KCNB2: variants seen among roughly 807,000 people sequenced by gnomAD.
KCNB2 encodes potassium voltage-gated channel subfamily B member 2, also known as delayed rectifier potassium channel protein.
A neutral mutation model predicts 61.5 loss-of-function variants in KCNB2; 15 were observed. The observed-to-expected ratio is 0.24, with a 90% CI of 0.16 to 0.38. The LOEUF is 0.38. Ranked by LOEUF, KCNB2 falls within the 10% of genes least tolerant of loss-of-function variation. The pLI, the probability that KCNB2 is intolerant of heterozygous loss-of-function variation, is 1.00. For missense variants in KCNB2, 828 were observed against 1,125.2 expected (o/e 0.74, Z 3.78); for synonymous variants, 457 against 446.0 (o/e 1.02, Z -0.31).
At chr8:72,672,981 T>C (rs745598704) in intron 2 of KCNB2, among the ~76,000 whole-genome samples, 11 of 152,346 alleles carry the variant, frequency 7.2e-5, no homozygotes, top group Middle Eastern at 3.4e-3. Context: ...TGGAAAATTA[T>C]ATGATGGTTT....
Position 72,782,253 on chromosome 8 carries a change from G to A in KCNB2, c.580-153682G>A, listed in dbSNP as rs1585890506. Among the ~76,000 whole-genome samples, 4 of 152,068 alleles carry A rather than the reference G, an allele frequency of 2.6e-5. No homozygotes were observed. The East Asian group carries it at 7.7e-4, about 29-fold the overall frequency. On this transcript the variant is annotated intron_variant, in intron 2 of 2. Transcript: ENST00000523207. Reference sequence around the variant, plus strand: ...ATATAGTGTTACTAAGAATTCCAGGGAAGTCCACTTAATCATTTAGAGTTG... The same window carrying A: ...ATATAGTGTTACTAAGAATTCCAGGAAAGTCCACTTAATCATTTAGAGTTG...
chr8:72,598,380 G>T (rs1163443637), intron 2 of KCNB2, among the ~76,000 whole-genome samples: 2 of 152,032 alleles, frequency 1.3e-5, no homozygotes, highest in Non-Finnish European at 2.9e-5. Flanking sequence ...TGCAGAAAAG[G>T]CCTTTGAAAA....
intron 2 of KCNB2, among the ~76,000 whole-genome samples, chr8:72,932,022 C>CAAAA (rs1257498040): frequency 1.4e-5 from 2 of 146,976 alleles, no homozygotes; most frequent in East Asian, 5.9e-4. Context: ...CAAAAACAAA[C>CAAAA]AAACAAAAAA....
chr8:72,929,434 A>G (rs185578478), intron 2 of KCNB2, among the ~76,000 whole-genome samples: 143 of 152,356 alleles, frequency 9.4e-4, no homozygotes, highest in African/African-American at 3.4e-3. Context: ...AGGTGATTCA[A>G]GGGAGAAAAA....
At chr8:72,615,133 C>T (rs929337423) in intron 2 of KCNB2, among the ~76,000 whole-genome samples, 2 of 152,216 alleles carry the variant, frequency 1.3e-5, no homozygotes, top group South Asian at 2.1e-4. Context: ...CATGGAGCTC[C>T]GTAGACCTGA....
intron 2 of KCNB2, among the ~76,000 whole-genome samples, chr8:72,662,421 G>A (rs934395417): frequency 2.0e-5 from 3 of 152,116 alleles, no homozygotes; most frequent in Admixed American, 6.6e-5. Context: ...TCCACATCAC[G>A]AAATACCTAG....
chr8:72,596,428 G>A (rs1223377200), intron 2 of KCNB2, among the ~76,000 whole-genome samples: 9 of 152,120 alleles, frequency 5.9e-5, no homozygotes, highest in African/African-American at 2.2e-4. Context: ...CTGGCCTTTT[G>A]TCTCCACATA....
intron 2 of KCNB2, among the ~76,000 whole-genome samples, chr8:72,855,706 G>A (rs1043226311): frequency 6.6e-6 from 1 of 152,104 alleles, no homozygotes; most frequent in Non-Finnish European, 1.5e-5. Flanking sequence ...GACTAACTGA[G>A]CTGGTGGCAG....
intron 2 of KCNB2, among the ~76,000 whole-genome samples, chr8:72,929,592 A>G (rs1249857898): frequency 2.0e-5 from 3 of 152,184 alleles, no homozygotes; most frequent in African/African-American, 4.8e-5. Flanking sequence ...GACATCATCA[A>G]CTGTGACTTG....
intron 2 of KCNB2, among the ~76,000 whole-genome samples, chr8:72,836,923 A>T (rs1360375655): frequency 6.6e-6 from 1 of 152,138 alleles, no homozygotes; most frequent in African/African-American, 2.4e-5. Context: ...ATAACAAACA[A>T]ACAAACAAAA....
At chr8:72,804,682 A>G (rs1362601448) in intron 2 of KCNB2, among the ~76,000 whole-genome samples, 2 of 152,216 alleles carry the variant, frequency 1.3e-5, no homozygotes, top group Admixed American at 1.3e-4. Context: ...CACATAATTA[A>G]TAAAATGAAA....
chr8:72,791,593 A>G (rs1193859107), intron 2 of KCNB2, among the ~76,000 whole-genome samples: 1 of 152,148 alleles, frequency 6.6e-6, no homozygotes, highest in Non-Finnish European at 1.5e-5. Context: ...TCCAGGCTTC[A>G]CTTACTCCTT....
chr8:72,598,940 A>G (rs1401246975), intron 2 of KCNB2, among the ~76,000 whole-genome samples: 1 of 152,232 alleles, frequency 6.6e-6, no homozygotes, highest in Non-Finnish European at 1.5e-5. Flanking sequence ...ACTCAATGAA[A>G]TAAAAGAGGA....
Position 72,936,859 on chromosome 8 carries a change from A to G in KCNB2, c.1504A>G (p.Thr502Ala), listed in dbSNP as rs1268119522. 1 of 1,614,020 alleles carries G rather than the reference A, an allele frequency of 6.2e-7. No homozygotes were observed. The highest frequency in any genetic ancestry group is 8.5e-7 in the Non-Finnish European group (1 of 1,180,022). Residue 502 changes from threonine (T) to alanine (A), a missense_variant, in exon 3 of 3, where the codon ACA becomes GCA. Physicochemically the swap from Thr to Ala is moderately conservative, Grantham distance 58 (BLOSUM62 0). Coordinates refer to ENST00000523207, the MANE Select transcript of KCNB2 (RefSeq NM_004770.3). The surrounding 1 kb of genome is among the most constrained non-coding windows in gnomAD (Gnocchi z 5.6). ...WKWARKALSE[T>A]SSNKSFENKY... ...GTGGGCCAGGAAGGCTCTGTCGGAA[A>G]CAAGCTCCAACAAGTCTTTCGAGAA...
intron 2 of KCNB2, among the ~76,000 whole-genome samples, chr8:72,861,686 C>G (rs945871075): frequency 6.6e-6 from 1 of 152,206 alleles, no homozygotes; most frequent in Admixed American, 6.5e-5. Flanking sequence ...AGGAAATTCT[C>G]AATCGGCCTG....
intron 2 of KCNB2, among the ~76,000 whole-genome samples, chr8:72,927,587 C>A (rs1348988487): frequency 2.0e-5 from 3 of 152,128 alleles, no homozygotes; most frequent in African/African-American, 7.2e-5. Flanking sequence ...CTTTTCTGTG[C>A]CTCTGCCTGC....
chr8:72,842,093 T>C (rs183509748), intron 2 of KCNB2, among the ~76,000 whole-genome samples: 1 of 139,926 alleles, frequency 7.1e-6, no homozygotes, highest in African/African-American at 2.6e-5. Context: ...TATTTTGATA[T>C]ATGTTTCACC....
intron 2 of KCNB2, among the ~76,000 whole-genome samples, chr8:72,922,895 G>A (rs1189873439): frequency 6.6e-6 from 1 of 152,102 alleles, no homozygotes; most frequent in Non-Finnish European, 1.5e-5. Flanking sequence ...CTGATAATGG[G>A]TCCCAAGGTG....
intron 2 of KCNB2, among the ~76,000 whole-genome samples, chr8:72,805,178 A>G (rs148993744): frequency 4.1e-4 from 62 of 152,150 alleles, no homozygotes; most frequent in African/African-American, 1.4e-3. Context: ...CACTGTTATC[A>G]TTGCCATTAA....
Sources: gnomAD v4.1 joint callset for allele counts (sites outside exome capture counted in the v4.1 genomes callset) on GRCh38, gnomAD v4.1.1 for gene constraint, Gnocchi (gnomAD v3.1) non-coding constraint, MANE v1.5 for transcripts, NCBI Gene and HGNC (gene_info 2026-07-23, HGNC 2026-07-21) for gene names.